Variants in TENM3 observed in about 807,000 individuals in gnomAD.
TENM3 encodes the protein teneurin transmembrane protein 3, also known as teneurin-3.
Under a neutral mutation model 255.1 loss-of-function variants are expected in TENM3, and 63 were observed. The ratio of observed to expected loss-of-function variants is 0.25; its 90% CI spans 0.20 to 0.30. The LOEUF is 0.30. TENM3 is among the 10% of genes least tolerant of loss of function. TENM3 has a pLI of 1.00. For synonymous variants in TENM3, 1,306 were observed against 1,322.3 expected (o/e 0.99, Z 0.27); for missense variants, 2,929 against 3,461.1 (o/e 0.85, Z 3.86).
At chr4:181,701,788 A>G in the TENM3 span, among the ~76,000 whole-genome samples, 1 of 152,218 alleles carries the variant, frequency 6.6e-6, no homozygotes, top group African/African-American at 2.4e-5. Flanking sequence ...TCTTTAATAA[A>G]TGGATACATT....
the TENM3 span, among the ~76,000 whole-genome samples, chr4:182,061,693 T>C: frequency 6.6e-6 from 1 of 152,242 alleles, no homozygotes; most frequent in African/African-American, 2.4e-5. Context: ...GCGTGGCTGC[T>C]CACGCCCGTA....
intron 3 of TENM3, chr4:182,449,095 GCGGC>G: frequency 9.0e-6 from 1 of 111,616 alleles, no homozygotes. Context: ...TGGGTGAGCG[GCGGC>G]GGCGGCGGCG....
chr4:181,678,147 G>A, the TENM3 span, among the ~76,000 whole-genome samples: 1,079 of 152,232 alleles, frequency 7.1e-3, 53 homozygotes, highest in East Asian at 0.13. Flanking sequence ...CAAGTTCTAT[G>A]CAGCTACAGA....
At chr4:181,683,537 A>G in the TENM3 span, among the ~76,000 whole-genome samples, 4 of 152,204 alleles carry the variant, frequency 2.6e-5, no homozygotes, top group African/African-American at 7.2e-5. Flanking sequence ...TTGTGCTTCT[A>G]TAAGCTCCCA....
At chr4:181,714,017 A>G in the TENM3 span, among the ~76,000 whole-genome samples, 22 of 152,286 alleles carry the variant, frequency 1.4e-4, no homozygotes, top group African/African-American at 5.1e-4. Context: ...ACACGTACCC[A>G]CAGATAAACT....
the TENM3 span, among the ~76,000 whole-genome samples, chr4:181,938,629 A>G: frequency 7.2e-5 from 11 of 152,182 alleles, no homozygotes; most frequent in African/African-American, 2.7e-4. Context: ...AATTTTCATG[A>G]GTTCATGGAC....
Position 182,192,249 on chromosome 4 carries a change from T to C in TENM3, c.-76+47495T>C, listed in dbSNP as rs567377911. Among the ~76,000 whole-genome samples the C allele has an allele frequency of 2.0e-4, 31 of 152,252 alleles. 2 individuals carry two copies. The highest frequency in any genetic ancestry group is 3.4e-3 in the Middle Eastern group (1 of 294). On this transcript the variant is annotated intron_variant, in intron 1 of 2. Transcript: ENST00000512480. ...AGAGTTTAATAGTTTCTACCGAGGG[T>C]CCACAAAGCGTAGTTACTATCTGGC...
intron 3 of TENM3, among the ~76,000 whole-genome samples, chr4:182,392,867 T>G (rs1768534466): frequency 1.3e-5 from 2 of 152,106 alleles, no homozygotes; most frequent in African/African-American, 2.4e-5. Context: ...TAATGAAGTT[T>G]AATGGTGAAT....
chr4:182,366,608 A>G (rs528001921), intron 3 of TENM3, among the ~76,000 whole-genome samples: 33 of 152,302 alleles, frequency 2.2e-4, no homozygotes, highest in Middle Eastern at 3.4e-3. Flanking sequence ...ATCAATAAAA[A>G]TTTGTGCAGT....
chr4:182,606,553 G>A (rs1216341586), intron 4 of TENM3, among the ~76,000 whole-genome samples: 6 of 148,116 alleles, frequency 4.1e-5, no homozygotes, highest in Non-Finnish European at 8.9e-5. Flanking sequence ...AAAAAAGGTA[G>A]CGTATATAAA....
At chr4:182,098,747 C>T in the TENM3 span, among the ~76,000 whole-genome samples, 1 of 152,034 alleles carries the variant, frequency 6.6e-6, no homozygotes, top group African/African-American at 2.4e-5. Context: ...GGAATACAAT[C>T]TGGTGTTCAG....
chr4:181,998,723 C>T, the TENM3 span, among the ~76,000 whole-genome samples: 10 of 152,252 alleles, frequency 6.6e-5, no homozygotes, highest in African/African-American at 2.4e-4. Flanking sequence ...TTAACCCATT[C>T]CTGTTAGAAC....
At chr4:181,807,013 C>T in the TENM3 span, among the ~76,000 whole-genome samples, 1 of 152,156 alleles carries the variant, frequency 6.6e-6, no homozygotes, top group Non-Finnish European at 1.5e-5. Context: ...TTTCATTCAC[C>T]ACAAATGCTC....
chr4:182,551,395 A>G (rs991725624), intron 3 of TENM3, among the ~76,000 whole-genome samples: 3 of 152,148 alleles, frequency 2.0e-5, no homozygotes, highest in Non-Finnish European at 2.9e-5. Flanking sequence ...TTTCAAAGAA[A>G]TATAACAGCA....
intron 3 of TENM3, among the ~76,000 whole-genome samples, chr4:182,526,783 T>A (rs923284437): frequency 2.4e-4 from 37 of 152,334 alleles, no homozygotes; most frequent in African/African-American, 8.4e-4. Context: ...TGGTAGTACA[T>A]CTTTATTCAT....
intron 3 of TENM3, among the ~76,000 whole-genome samples, chr4:182,486,040 G>T (rs1734672675): frequency 1.3e-5 from 2 of 152,186 alleles, no homozygotes; most frequent in South Asian, 4.2e-4. Context: ...GTTTTGCAGA[G>T]TAGGTAGCAT....
At chr4:182,571,783 A>G (rs973548556) in intron 3 of TENM3, among the ~76,000 whole-genome samples, 1 of 152,244 alleles carries the variant, frequency 6.6e-6, no homozygotes, top group Non-Finnish European at 1.5e-5. Context: ...TTCCAAGTGT[A>G]TATAATTAAC....
At chr4:181,766,051 G>C in the TENM3 span, among the ~76,000 whole-genome samples, 9 of 152,134 alleles carry the variant, frequency 5.9e-5, no homozygotes, top group African/African-American at 1.9e-4. Context: ...AATTCTGACG[G>C]AAAGGGTGAA....
chr4:182,526,905 T>C (rs892183896), intron 3 of TENM3, among the ~76,000 whole-genome samples: 4 of 152,210 alleles, frequency 2.6e-5, no homozygotes, highest in African/African-American at 9.6e-5. Flanking sequence ...ATATGTAATA[T>C]TATTGGTTAC....
Sources: allele counts gnomAD v4.1 joint callset (sites outside exome capture counted in the v4.1 genomes callset), GRCh38; gene constraint gnomAD v4.1.1; transcripts MANE v1.5; gene names NCBI Gene and HGNC (gene_info 2026-07-23, HGNC 2026-07-21).